The following ZNF626 variants were observed in gnomAD, a reference collection of about 807,000 sequenced individuals.
ZNF626 encodes zinc finger protein 626.
A neutral mutation model predicts 11.7 loss-of-function variants in ZNF626; 4 were observed. The ratio of observed to expected loss-of-function variants is 0.34; its 90% CI spans 0.17 to 0.78. The LOEUF (loss-of-function observed/expected upper bound fraction) is 0.78, where lower values mean the gene tolerates loss of function less well. Among genes scored for constraint, ZNF626 ranks in the 30% least tolerant of loss-of-function variants. The pLI, the probability that ZNF626 is intolerant of heterozygous loss-of-function variation, is 0.57. For missense variants in ZNF626, 588 were observed against 587.1 expected (o/e 1.00, Z -0.01); for synonymous variants, 179 against 198.6 (o/e 0.90, Z 0.83).
chr19:20,645,304 G>A (rs1599483006), intron 3 of ZNF626: 1 of 1,522,798 alleles, frequency 6.6e-7, no homozygotes, highest in Non-Finnish European at 8.7e-7. Context: ...CTGATGCAAA[G>A]AGAACTTTGA....
At chr19:20,627,504 A>C (rs562285227) in intron 3 of ZNF626, among the ~76,000 whole-genome samples, 1 of 152,180 alleles carries the variant, frequency 6.6e-6, no homozygotes, top group East Asian at 1.9e-4. Context: ...AAAAACCACG[A>C]AAACCACAGA....
intron 1 of ZNF626, among the ~76,000 whole-genome samples, chr19:20,653,665 AAGAAAAAG>A (rs1970173258): frequency 2.8e-5 from 1 of 35,654 alleles, no homozygotes. Context: ...AAAAGAAAAA[AAGAAAAAG>A]AAAGGAAAAG....
Position 20,625,575 on chromosome 19 carries a change from C to T in ZNF626, c.302G>A (p.Arg101Lys). The T allele has an allele frequency of 1.2e-6, 2 of 1,607,174 alleles. No individual in the cohort carries two copies. The highest frequency in any genetic ancestry group is 1.7e-6 in the Non-Finnish European group (2 of 1,177,378). The change falls in exon 4 of 4, where the codon AGA becomes AAA. Residue 101 changes from arginine (R) to lysine (K), a missense_variant. By Grantham distance (26) the Arg-to-Lys change is conservative. Around this residue, in one of 4 missense-constraint regions of ZNF626, gnomAD observed 524 missense variants for 470.1 expected, o/e 1.11. Transcript: ENST00000601440. ...MKDSFQKVVL[R>K]RYEKCEHDNL... ...GTCATGTTCACATTTTTCATATCTT[C>T]TCAGTACCACTTTTTGGAAAGAATC...
At chr19:20,661,304 T>G in intron 1 of ZNF626, 140 bp downstream of exon 1, 2 of 1,194,086 alleles carry the variant, frequency 1.7e-6, no homozygotes. Flanking sequence ...TGAACAGGAC[T>G]GAGGCCGAGC....
Position 20,650,036 on chromosome 19 carries a change from C to T in ZNF626, c.4-3631G>A, listed in dbSNP as rs139948922. ...GAAGAAGTCTGGATTTAAAAAACAA[C>T]ATGTACACACGTACTAATGCAATGT... On this transcript the variant is annotated intron_variant, in intron 1 of 3. Coordinates refer to ENST00000601440, the MANE Select transcript of ZNF626 (RefSeq NM_001076675.3). Among the ~76,000 whole-genome samples the T allele has an allele frequency of 3.3e-3, 509 of 152,308 alleles. 2 individuals are homozygous for T. The highest frequency in any genetic ancestry group is 0.017 in the Middle Eastern group (5 of 294).
At chr19:20,630,034 A>G (rs1265357616) in intron 3 of ZNF626, among the ~76,000 whole-genome samples, 3 of 152,170 alleles carry the variant, frequency 2.0e-5, no homozygotes, top group Admixed American at 6.5e-5. Flanking sequence ...CTATTGAGAT[A>G]ATCATGTGGT....
intron 1 of ZNF626, among the ~76,000 whole-genome samples, chr19:20,660,426 C>T (rs1380321285): frequency 2.6e-5 from 4 of 151,182 alleles, no homozygotes; most frequent in Non-Finnish European, 3.0e-5. Flanking sequence ...AAGATGCTTA[C>T]TTTTTTTTTC....
chr19:20,637,974 T>C (rs1247318561), intron 3 of ZNF626, among the ~76,000 whole-genome samples: 4 of 151,690 alleles, frequency 2.6e-5, no homozygotes, highest in Admixed American at 2.0e-4. Context: ...ACTCTGTCTC[T>C]ACAAAAAATA....
At chr19:20,628,696 G>A (rs1227400072) in intron 3 of ZNF626, among the ~76,000 whole-genome samples, 4 of 152,164 alleles carry the variant, frequency 2.6e-5, no homozygotes, top group African/African-American at 4.8e-5. Context: ...TTTGTCAGAT[G>A]AGCAGGTTGC....
At chr19:20,653,157 G>A (rs936879949) in intron 1 of ZNF626, among the ~76,000 whole-genome samples, 2 of 152,114 alleles carry the variant, frequency 1.3e-5, no homozygotes, top group Non-Finnish European at 2.9e-5. Flanking sequence ...GAGAGGGAAT[G>A]TCCCCTCGAG....
At chr19:20,634,932 G>A (rs1421689549) in intron 3 of ZNF626, among the ~76,000 whole-genome samples, 3 of 152,154 alleles carry the variant, frequency 2.0e-5, no homozygotes, top group African/African-American at 7.2e-5. Flanking sequence ...AAAACAGAAT[G>A]CAGCACATAT....
At chr19:20,641,907 G>A (rs1970028146) in intron 3 of ZNF626, among the ~76,000 whole-genome samples, 1 of 134,616 alleles carries the variant, frequency 7.4e-6, no homozygotes, top group Non-Finnish European at 1.5e-5. Flanking sequence ...TATGTTACGT[G>A]TTTTTAAAAC....
chr19:20,654,360 T>C (rs12981364), intron 1 of ZNF626, among the ~76,000 whole-genome samples: 32,940 of 147,572 alleles, frequency 0.22, 3,934 homozygotes, highest in East Asian at 0.47. Context: ...GGAGAATTGC[T>C]TGAACCTCGG....
chr19:20,633,041 G>A (rs4809077), intron 3 of ZNF626, among the ~76,000 whole-genome samples: 68,313 of 151,918 alleles, frequency 0.45, 16,639 homozygotes, highest in African/African-American at 0.64. Context: ...GAAGTTTGCT[G>A]GAGGTCCACT....
At chr19:20,630,583 T>C (rs1390492006) in intron 3 of ZNF626, among the ~76,000 whole-genome samples, 1 of 152,274 alleles carries the variant, frequency 6.6e-6, no homozygotes, top group East Asian at 1.9e-4. Context: ...GTTTATAGTA[T>C]TCTCTGATGG....
At chr19:20,654,999 CT>C (rs1250458455) in intron 1 of ZNF626, among the ~76,000 whole-genome samples, 1 of 151,776 alleles carries the variant, frequency 6.6e-6, no homozygotes, top group East Asian at 1.9e-4. Context: ...GTAAACCCAG[CT>C]ACTCAGGGTA....
At chr19:20,627,946 C>T (rs1408949987) in intron 3 of ZNF626, among the ~76,000 whole-genome samples, 1 of 152,190 alleles carries the variant, frequency 6.6e-6, no homozygotes, top group Non-Finnish European at 1.5e-5. Flanking sequence ...GACGCCACAA[C>T]AGTCCCCGGT....
intron 2 of ZNF626, among the ~76,000 whole-genome samples, chr19:20,645,996 C>T (rs1970073305): frequency 1.3e-5 from 2 of 151,928 alleles, no homozygotes; most frequent in East Asian, 3.9e-4. Context: ...TTGGTGGTGG[C>T]AATTAGATTT....
At chr19:20,626,731 T>C (rs1342673699) in intron 3 of ZNF626, among the ~76,000 whole-genome samples, 1 of 151,644 alleles carries the variant, frequency 6.6e-6, no homozygotes. Context: ...AAAAATAAAA[T>C]AGGCTGGGCG....
Sources: gnomAD v4.1 joint callset for allele counts (sites outside exome capture counted in the v4.1 genomes callset) on GRCh38, gnomAD v4.1.1 for gene constraint, gnomAD v4.1.1 regional missense constraint, MANE v1.5 for transcripts, NCBI Gene and HGNC (gene_info 2026-07-23, HGNC 2026-07-21) for gene names.